The following TCF12 variants were observed in gnomAD, a reference collection of about 807,000 sequenced individuals.
TCF12 encodes DNA-binding protein HTF4.
A neutral mutation model predicts 86.0 loss-of-function variants in TCF12; 45 were observed. The ratio of observed to expected loss-of-function variants is 0.52; its 90% CI spans 0.41 to 0.67. The LOEUF (loss-of-function observed/expected upper bound fraction) is 0.67, where lower values mean the gene tolerates loss of function less well. Among genes scored for constraint, TCF12 ranks in the 30% least tolerant of loss-of-function variants. TCF12 has a pLI of 0.00. For missense variants in TCF12, 881 were observed against 859.9 expected, an observed-to-expected ratio of 1.02 and a Z score of -0.31; for synonymous variants, 330 against 299.6, an observed-to-expected ratio of 1.10 and a Z score of -1.05.
intron 3 of TCF12, among the ~76,000 whole-genome samples, chr15:57,035,492 C>G (rs2066453175): frequency 6.6e-6 from 1 of 152,076 alleles, no homozygotes; most frequent in Admixed American, 6.6e-5. Flanking sequence ...ATTGCCAACT[C>G]CAGGCCTCAA....
chr15:56,963,338 A>G (rs1320685733), intron 3 of TCF12, among the ~76,000 whole-genome samples: 1 of 152,198 alleles, frequency 6.6e-6, no homozygotes, highest in African/African-American at 2.4e-5. Context: ...TGGTTTTTCC[A>G]CATGTGCCAT....
intron 7 of TCF12, among the ~76,000 whole-genome samples, chr15:57,194,091 T>C (rs1307336676): frequency 6.6e-6 from 1 of 152,198 alleles, no homozygotes; most frequent in Non-Finnish European, 1.5e-5. Flanking sequence ...TACAAGCTAA[T>C]ACACTATTAA....
At position 56,933,094 on chromosome 15, in the gene TCF12, T is replaced by G. The variant is rs373748626; in HGVS notation, c.148+11996T>G. Reference sequence around the variant, plus strand: ...GGAATATTCACAGCTACCATTTAGTTGAGGTCAGAGAAAAGAATGGTTACT... The same window carrying G: ...GGAATATTCACAGCTACCATTTAGTGGAGGTCAGAGAAAAGAATGGTTACT... On this transcript the variant is annotated intron_variant, in intron 3 of 20. Transcript: ENST00000333725. Among the ~76,000 whole-genome samples the G allele has an allele frequency of 6.6e-5, 10 of 152,304 alleles. No homozygotes were observed. The East Asian group carries it at 7.7e-4, about 12-fold the overall frequency.
At chr15:56,982,744 T>G (rs2062955230) in intron 3 of TCF12, among the ~76,000 whole-genome samples, 1 of 152,216 alleles carries the variant, frequency 6.6e-6, no homozygotes, top group Non-Finnish European at 1.5e-5. Context: ...TTAAATTGGT[T>G]TAATTAAAAA....
At chr15:57,248,322 C>T (rs2059953833) in intron 13 of TCF12, among the ~76,000 whole-genome samples, 2 of 152,176 alleles carry the variant, frequency 1.3e-5, no homozygotes, top group South Asian at 2.1e-4. Context: ...CCACCTCCCA[C>T]ACCCCTTGTG....
At chr15:57,078,645 A>G (rs1035420571) in intron 4 of TCF12, among the ~76,000 whole-genome samples, 8 of 152,204 alleles carry the variant, frequency 5.3e-5, no homozygotes, top group Non-Finnish European at 1.0e-4. Context: ...AATTTCATTA[A>G]TAACTAGATT....
intron 3 of TCF12, among the ~76,000 whole-genome samples, chr15:56,924,975 G>T (rs1036385478): frequency 6.6e-5 from 10 of 152,152 alleles, no homozygotes; most frequent in African/African-American, 2.4e-4. Context: ...GAGGTGGGTG[G>T]ATCACATGAG....
rs543589782 is a variant in TCF12, at chr15:57,018,742, G to A, written c.149-45008G>A. ...AGGCATGAGCCACTGTGCCCTAGCC[G>A]GGGCCTGATAATTTGAAAGGGCTCA... On this transcript the variant is annotated intron_variant, in intron 3 of 20. Coordinates refer to ENST00000333725, the MANE Select transcript of TCF12 (RefSeq NM_207037.2). Among the ~76,000 whole-genome samples, 158 of 152,220 alleles carry A rather than the reference G, an allele frequency of 1.0e-3. 2 individuals carry two copies. The highest frequency in any genetic ancestry group is 1.5e-3 in the Non-Finnish European group (101 of 68,018).
intron 5 of TCF12, among the ~76,000 whole-genome samples, chr15:57,139,235 C>G (rs1184744694): frequency 1.3e-5 from 2 of 152,152 alleles, no homozygotes; most frequent in Non-Finnish European, 2.9e-5. Context: ...TGTCCCCTTA[C>G]TTTCCTCTGC....
At chr15:57,080,936 A>G (rs1464746707) in intron 4 of TCF12, among the ~76,000 whole-genome samples, 2 of 152,174 alleles carry the variant, frequency 1.3e-5, no homozygotes, top group African/African-American at 4.8e-5. Context: ...AGACTACTGT[A>G]CCTATTCCCA....
At chr15:57,049,347 C>A (rs1178060399) in intron 3 of TCF12, among the ~76,000 whole-genome samples, 1 of 152,174 alleles carries the variant, frequency 6.6e-6, no homozygotes, top group Admixed American at 6.5e-5. Context: ...AGCAGCACTC[C>A]AGAAAGATGT....
chr15:57,131,461 C>G (rs2151347598), intron 5 of TCF12, among the ~76,000 whole-genome samples: 1 of 152,190 alleles, frequency 6.6e-6, no homozygotes, highest in East Asian at 1.9e-4. Flanking sequence ...TGGTGTTACT[C>G]TGTTTAGAAA....
intron 3 of TCF12, among the ~76,000 whole-genome samples, chr15:57,030,819 A>G (rs1197931070): frequency 2.0e-5 from 3 of 152,210 alleles, no homozygotes; most frequent in Admixed American, 6.5e-5. Context: ...TATGTGACAC[A>G]TTATCTTCCA....
intron 12 of TCF12, among the ~76,000 whole-genome samples, chr15:57,241,170 T>A: frequency 6.6e-6 from 1 of 152,044 alleles, no homozygotes; most frequent in Non-Finnish European, 1.5e-5. Flanking sequence ...CTCGGCTCAC[T>A]GAAACCTCCA....
At chr15:57,151,774 A>C (rs1484995376) in intron 5 of TCF12, among the ~76,000 whole-genome samples, 1 of 152,114 alleles carries the variant, frequency 6.6e-6, no homozygotes, top group African/African-American at 2.4e-5. Context: ...TGTCTCAAAA[A>C]AAAAAAAAGC....
At chr15:56,971,100 G>T (rs909576426) in intron 3 of TCF12, among the ~76,000 whole-genome samples, 1 of 151,970 alleles carries the variant, frequency 6.6e-6, no homozygotes, top group East Asian at 1.9e-4. Flanking sequence ...CAGAAATAAG[G>T]GCTATCCTTC....
Position 57,251,440 on chromosome 15 carries a change from C to A in TCF12, c.1188+17C>A. 6.2e-7 allele frequency: 1 copy of A among 1,612,540 alleles called. No individual in the cohort carries two copies. Among genetic ancestry groups the A allele is most frequent in the South Asian group, 1.1e-5 (1 of 90,978 alleles). ...CACTCCCTGGTAAGAGCCTCTTATA[C>A]ATCAGTTTTATCTGATAGCTTAGAG... On this transcript the variant is annotated intron_variant, in intron 14 of 20. Coordinates refer to ENST00000333725, the MANE Select transcript of TCF12 (RefSeq NM_207037.2).
At chr15:57,241,837 AC>A (rs2059643619) in intron 12 of TCF12, among the ~76,000 whole-genome samples, 1 of 152,238 alleles carries the variant, frequency 6.6e-6, no homozygotes, top group Admixed American at 6.5e-5. Context: ...TACTAAAAAT[AC>A]AAAAATTAGC....
intron 5 of TCF12, among the ~76,000 whole-genome samples, chr15:57,145,840 A>T (rs1262301110): frequency 6.6e-6 from 1 of 152,110 alleles, no homozygotes; most frequent in Non-Finnish European, 1.5e-5. Context: ...GTGATAGTTG[A>T]GGGTAGGAAG....
Sources: gnomAD v4.1 joint callset for allele counts (sites outside exome capture counted in the v4.1 genomes callset) on GRCh38, gnomAD v4.1.1 for gene constraint, MANE v1.5 for transcripts, NCBI Gene and HGNC (gene_info 2026-07-23, HGNC 2026-07-21) for gene names.